The following RAI1 variants were observed in gnomAD, a reference collection of about 807,000 sequenced individuals.
RAI1 encodes retinoic acid-induced protein 1.
A neutral mutation model predicts 123.8 loss-of-function variants in RAI1; 9 were observed. The ratio of observed to expected loss-of-function variants is 0.07; its 90% confidence interval spans 0.04 to 0.13. RAI1 has a LOEUF of 0.13. Among genes scored for constraint, RAI1 ranks in the 10% least tolerant of loss-of-function variants. The pLI is 1.00. For synonymous variants in RAI1, 1,231 were observed against 1,127.3 expected, an observed-to-expected ratio of 1.09 and a Z score of -1.84; for missense variants, 2,256 against 2,545.8, an observed-to-expected ratio of 0.89 and a Z score of 2.45.
In RAI1 at chr17:17,794,610, C is replaced by T; in HGVS notation, c.1662C>T (p.Ser554=). ...SNSKAKPESV[S]TCSVTSPDDM... is the part of the protein sequence containing the mutation. ...CGAAGGCCAAGCCCGAGTCCGTGTC[C>T]ACCTGTTCTGTGACCTCTCCTGACG... is the stretch of plus-strand genomic sequence containing the variant. The change falls in exon 3 of 6, where the codon TCC becomes TCT. Residue 554 remains serine (S), a synonymous_variant. Transcript: ENST00000353383. The T allele has an allele frequency of 6.2e-7, 1 of 1,613,210 alleles. No individual in the cohort carries two copies. Among genetic ancestry groups the T allele is most frequent in the Non-Finnish European group, 8.5e-7 (1 of 1,180,042 alleles).
chr17:17,811,202 A>T lies in RAI1; in HGVS notation c.*1221A>T. The T allele has an allele frequency of 3.0e-6, 1 of 330,178 alleles. No individual in the cohort carries two copies. The highest frequency in any genetic ancestry group is 5.9e-6 in the Non-Finnish European group (1 of 169,164). The allele number at this position is 330,178 out of a possible 1,614,324, so 20.5% of individuals were successfully genotyped here. A position where few individuals can be genotyped will look rare whatever the true frequency, so the allele number is the denominator to read the frequency against. The stretch of plus-strand genomic sequence containing the variant: ...TGTACATATGACTGTAAAATGGTAA[A>T]CGTGTGTATTATATCTGGCCTCGTT... On this transcript the variant is annotated 3_prime_UTR_variant, in exon 6 of 6. Transcript: ENST00000353383.
chr17:17,809,128 G>A lies in RAI1; in HGVS notation c.5660-262G>A. 2 of 560,142 alleles carry A rather than the reference G, an allele frequency of 3.6e-6. No individual in the cohort carries two copies. The highest frequency in any genetic ancestry group is 1.9e-5 in the African/African-American group (1 of 53,080). 34.7% of individuals were successfully genotyped at this position (560,142 alleles called of 1,614,324 possible). Reference sequence around the variant, plus strand: ...GAGGGACTGCCTCAAGTGAGGAGGGGCGGCACGTGGAACTCAGGGGGAAAA... The same window carrying A: ...GAGGGACTGCCTCAAGTGAGGAGGGACGGCACGTGGAACTCAGGGGGAAAA... On this transcript the variant is annotated intron_variant, in intron 4 of 5. Transcript: ENST00000353383. This position sits in a 1 kb window ranked among gnomAD's most constrained non-coding sequence, Gnocchi z 4.9.
At position 17,800,649 on chromosome 17, in the gene RAI1, G is replaced by T. The variant is rs1465400849; in HGVS notation, c.5565+2136G>T. 6.6e-6 allele frequency among the ~76,000 whole-genome samples: 1 copy of T among 152,248 alleles called. No homozygotes were observed. Among genetic ancestry groups the T allele is most frequent in the Admixed American group, 6.5e-5 (1 of 15,282 alleles). On this transcript the variant is annotated intron_variant, in intron 3 of 5. Coordinates refer to ENST00000353383, the MANE Select transcript of RAI1 (RefSeq NM_030665.4). This position sits in a 1 kb window ranked among gnomAD's most constrained non-coding sequence, Gnocchi z 4.7. The stretch of plus-strand genomic sequence containing the variant: ...GCTGGAACTTGCCAGCCCAGCCCAT[G>T]CCTGTCTGCTGTGCCATGCTCCAGA...
intron 2 of RAI1, among the ~76,000 whole-genome samples, chr17:17,790,983 A>G (rs1279460269): frequency 6.6e-6 from 1 of 152,228 alleles, no homozygotes; most frequent in African/African-American, 2.4e-5. Context: ...GTAATGTTTT[A>G]TCCAAGCTGC....
At chr17:17,699,264 C>T (rs1840150595) in intron 1 of RAI1, among the ~76,000 whole-genome samples, 2 of 152,190 alleles carry the variant, frequency 1.3e-5, no homozygotes, top group African/African-American at 2.4e-5. Flanking sequence ...CTGTCGGCAA[C>T]ATCCTTGACT....
chr17:17,810,742 C>T lies in RAI1; in HGVS notation c.*761C>T. On this transcript the variant is annotated 3_prime_UTR_variant, in exon 6 of 6. Transcript: ENST00000353383. This position sits in a 1 kb window ranked among gnomAD's most constrained non-coding sequence, Gnocchi z 4.6. ...GTTTGTCCCCTTTCCAGTCCTCCAC[C>T]CCACCCCTGGAGCCCAGCCTGGGAG... is the stretch of plus-strand genomic sequence containing the variant. 2 of 446,694 alleles carry T rather than the reference C, an allele frequency of 4.5e-6. No individual in the cohort carries two copies. The highest frequency in any genetic ancestry group is 4.5e-6 in the Non-Finnish European group (1 of 220,292). The allele number at this position is 446,694 out of a possible 1,614,324, so 27.7% of individuals were successfully genotyped here.
chr17:17,728,699 G>T (rs62064087), intron 2 of RAI1, among the ~76,000 whole-genome samples: 15,410 of 152,202 alleles, frequency 0.1, 957 homozygotes, highest in East Asian at 0.31. Flanking sequence ...CCACTCATAT[G>T]CCAGGCACTG....
In RAI1 at chr17:17,711,822, C is replaced by T. The variant is rs560389265; in HGVS notation, c.-148-12206C>T. Reference sequence around the variant, plus strand: ...CGGGCTCTGTCCCAGGGCAAGCCCTCCTCCTGCGCACCACATCTGGGGCCT... The same window carrying T: ...CGGGCTCTGTCCCAGGGCAAGCCCTTCTCCTGCGCACCACATCTGGGGCCT... On this transcript the variant is annotated intron_variant, in intron 1 of 5. Coordinates refer to ENST00000353383, the MANE Select transcript of RAI1 (RefSeq NM_030665.4). Among the ~76,000 whole-genome samples the T allele has an allele frequency of 5.3e-5, 8 of 152,344 alleles. No homozygotes were observed. The East Asian group carries it at 1.5e-3, about 29-fold the overall frequency.
intron 2 of RAI1, among the ~76,000 whole-genome samples, chr17:17,735,376 G>A (rs1354569287): frequency 4.5e-5 from 6 of 134,528 alleles, no homozygotes; most frequent in East Asian, 4.3e-4. Context: ...TTTTTGAGAC[G>A]GGGTTTCACT....
intron 2 of RAI1, among the ~76,000 whole-genome samples, chr17:17,773,434 G>C (rs1297075718): frequency 6.6e-6 from 1 of 152,132 alleles, no homozygotes; most frequent in Non-Finnish European, 1.5e-5. Flanking sequence ...ATCCCTGCTT[G>C]CTCCCAGGAT....
intron 2 of RAI1, among the ~76,000 whole-genome samples, chr17:17,733,732 TC>T (rs1466708200): frequency 2.0e-5 from 3 of 152,234 alleles, no homozygotes; most frequent in African/African-American, 7.2e-5. Flanking sequence ...TTTTAAATGC[TC>T]CTTTAGTTAA....
chr17:17,779,729 T>C (rs1223108244), intron 2 of RAI1, among the ~76,000 whole-genome samples: 2 of 150,436 alleles, frequency 1.3e-5, no homozygotes, highest in East Asian at 3.9e-4. Flanking sequence ...GGGAAATCAG[T>C]GATGGTAGGC....
intron 2 of RAI1, among the ~76,000 whole-genome samples, chr17:17,742,273 C>G (rs1259404683): frequency 6.6e-6 from 1 of 152,216 alleles, no homozygotes; most frequent in Non-Finnish European, 1.5e-5. Context: ...GATCATGGTT[C>G]CAGGCTCACC....
intron 1 of RAI1, among the ~76,000 whole-genome samples, chr17:17,702,666 G>C (rs1680516107): frequency 1.3e-5 from 2 of 152,224 alleles, no homozygotes; most frequent in Non-Finnish European, 2.9e-5. Context: ...TCGGGGTTCT[G>C]CCCTTGCTCT....
chr17:17,779,692 A>AGTAG (rs751185655), intron 2 of RAI1, among the ~76,000 whole-genome samples: 4 of 150,112 alleles, frequency 2.7e-5, no homozygotes, highest in Non-Finnish European at 5.9e-5. Context: ...GGAAACCCTT[A>AGTAG]GTAGGTAGCC....
intron 1 of RAI1, among the ~76,000 whole-genome samples, chr17:17,688,181 C>T (rs1306445858): frequency 4.0e-5 from 6 of 151,712 alleles, no homozygotes; most frequent in Admixed American, 3.9e-4. Flanking sequence ...CCATTTCCCT[C>T]CCCTTTAAAA....
At chr17:17,718,095 G>T (rs531952521) in intron 1 of RAI1, among the ~76,000 whole-genome samples, 1 of 152,116 alleles carries the variant, frequency 6.6e-6, no homozygotes, top group Admixed American at 6.5e-5. Flanking sequence ...GCAGACCCCA[G>T]CCCAGGGCAG....
Position 17,796,094 on chromosome 17 carries a change from C to T in RAI1, c.3146C>T (p.Ser1049Leu), listed in dbSNP as rs755152385. The T allele has an allele frequency of 1.4e-5, 22 of 1,581,736 alleles. No individual in the cohort carries two copies. The highest frequency in any genetic ancestry group is 2.3e-5 in the East Asian group (1 of 43,284). Reference protein sequence around the residue: ...EGAGAPGRGASEGLPRMCTRS... With the variant: ...EGAGAPGRGALEGLPRMCTRS... ...GCTGGAGCCCCAGGCCGGGGGGCCT[C>T]GGAAGGGCTCCCCAGGATGTGTACT... The change falls in exon 3 of 6, where the codon TCG becomes TTG. Residue 1049 changes from serine to leucine, a missense_variant. Transcript: ENST00000353383. This position sits in a 1 kb window ranked among gnomAD's most constrained non-coding sequence, Gnocchi z 5.8.
intron 2 of RAI1, among the ~76,000 whole-genome samples, chr17:17,784,531 G>A (rs1225585622): frequency 3.9e-5 from 6 of 152,256 alleles, no homozygotes; most frequent in Admixed American, 6.5e-5. Context: ...GGCAAAATGA[G>A]GGGGAGATTT....
Sources: gnomAD v4.1 joint callset for allele counts (sites outside exome capture counted in the v4.1 genomes callset) on GRCh38, gnomAD v4.1.1 for gene constraint, Gnocchi (gnomAD v3.1) non-coding constraint, MANE v1.5 for transcripts, NCBI Gene and HGNC (gene_info 2026-07-23, HGNC 2026-07-21) for gene names.